Variants in SH3RF2 observed in about 807,000 individuals in gnomAD.
SH3RF2 encodes E3 ubiquitin-protein ligase SH3RF2.
In SH3RF2, 43 loss-of-function variants were observed where a neutral mutation model predicts 59.0. The ratio of observed to expected loss-of-function variants is 0.73; its 90% CI spans 0.57 to 0.94. The LOEUF (loss-of-function observed/expected upper bound fraction) is 0.94, where lower values mean the gene tolerates loss of function less well. Among genes scored for constraint, SH3RF2 ranks in the 40% least tolerant of loss-of-function variants. The pLI, the probability that SH3RF2 is intolerant of heterozygous loss-of-function variation, is 0.00. For missense variants in SH3RF2, 930 were observed against 940.1 expected, an observed-to-expected ratio of 0.99 and a Z score of 0.14; for synonymous variants, 391 against 391.5, an observed-to-expected ratio of 1.00 and a Z score of 0.01.
chr5:146,049,362 CT>C lies in SH3RF2; in HGVS notation c.1322+122del, dbSNP rs1762414762. 3.3e-6 allele frequency: 4 copies of C among 1,208,930 alleles called. No homozygotes were observed. In the East Asian group the frequency reaches 9.6e-5, roughly 29 times the overall value. 74.9% of individuals were successfully genotyped at this position (1,208,930 alleles called of 1,614,324 possible). A position where few individuals can be genotyped will look rare whatever the true frequency, so the allele number is the denominator to read the frequency against. On this transcript the variant is annotated intron_variant, in intron 7 of 9. Coordinates refer to ENST00000359120, the MANE Select transcript of SH3RF2 (RefSeq NM_152550.4). ...TTTCAGAAAACAGGCCAAGAAAGCG[CT>C]TTTTGCTCTATAACCCGCCTATCTC...
chr5:146,050,353 G>T (rs962597532), intron 7 of SH3RF2, among the ~76,000 whole-genome samples: 1 of 152,102 alleles, frequency 6.6e-6, no homozygotes, highest in Non-Finnish European at 1.5e-5. Flanking sequence ...GCTTTTTCTA[G>T]CCCATAGATT....
intron 1 of SH3RF2, 144 bp downstream of exon 1, chr5:145,936,838 C>T (rs1757607806): frequency 1.3e-5 from 2 of 152,266 alleles, no homozygotes. Flanking sequence ...GGCCTTCTCG[C>T]CAAACCTCTG....
chr5:145,938,164 G>A lies in SH3RF2; in HGVS notation c.236G>A (p.Gly79Glu). The A allele has an allele frequency of 6.2e-7, 1 of 1,614,142 alleles. No homozygotes were observed. Among genetic ancestry groups the A allele is most frequent in the Non-Finnish European group, 8.5e-7 (1 of 1,180,034 alleles). ...LVRLLDGVRS[G>E]QSSGRGGSFR... ...CGCCTTCTGGATGGAGTGCGCTCAGGGCAGAGCTCCGGGAGAGGGGGCTCC... is the reference window on the plus strand; with the variant it reads ...CGCCTTCTGGATGGAGTGCGCTCAGAGCAGAGCTCCGGGAGAGGGGGCTCC... The change falls in exon 2 of 10, where the codon GGG becomes GAG. Residue 79 changes from glycine to glutamate, a missense_variant. By Grantham distance (98) the Gly-to-Glu change is moderately conservative. Transcript: ENST00000359120.
At chr5:145,939,083 C>A (rs6580397) in intron 2 of SH3RF2, among the ~76,000 whole-genome samples, 12,049 of 152,256 alleles carry the variant, frequency 0.079, 1,615 homozygotes, top group African/African-American at 0.28. Context: ...TGAAAGCACA[C>A]CCCGAGGACT....
chr5:146,013,619 G>A (rs886759328), intron 4 of SH3RF2, 128 bp from the exon 5 acceptor site: 1 of 898,716 alleles, frequency 1.1e-6, no homozygotes, highest in East Asian at 2.5e-5. Flanking sequence ...GCTCACCAAG[G>A]AATGAGCATC....
At chr5:145,953,723 G>A (rs546182811) in intron 2 of SH3RF2, among the ~76,000 whole-genome samples, 2 of 151,926 alleles carry the variant, frequency 1.3e-5, no homozygotes, top group Non-Finnish European at 2.9e-5. Context: ...CTCCACCTTC[G>A]AGTAGACCCC....
chr5:146,005,393 C>T (rs144393789), intron 4 of SH3RF2, among the ~76,000 whole-genome samples: 112 of 152,270 alleles, frequency 7.4e-4, no homozygotes, highest in African/African-American at 2.6e-3. Flanking sequence ...GCGTGCTGTC[C>T]ACCCTGGGGA....
At chr5:145,966,230 G>A (rs375605081) in intron 2 of SH3RF2, among the ~76,000 whole-genome samples, 21 of 152,186 alleles carry the variant, frequency 1.4e-4, no homozygotes, top group Admixed American at 6.5e-5. Context: ...GAAGGATTGG[G>A]TGAGGACAAA....
chr5:146,012,717 T>C (rs1424937099), intron 4 of SH3RF2, among the ~76,000 whole-genome samples: 2 of 152,194 alleles, frequency 1.3e-5, no homozygotes, highest in Non-Finnish European at 2.9e-5. Context: ...TGTCAACATG[T>C]TTCAGATTTC....
intron 2 of SH3RF2, among the ~76,000 whole-genome samples, chr5:145,946,597 T>C (rs570588386): frequency 1.3e-5 from 2 of 152,304 alleles, no homozygotes; most frequent in Admixed American, 6.5e-5. Context: ...TAAATACCTT[T>C]TTGGGTGATG....
At chr5:146,014,089 C>T in intron 5 of SH3RF2, 28 bp downstream of exon 5, 1 of 1,604,762 alleles carries the variant, frequency 6.2e-7, no homozygotes, top group Non-Finnish European at 8.5e-7. Flanking sequence ...GGGATGAGGG[C>T]ACTTTGGAGT....
chr5:146,077,289 G>A (rs982421849), intron 9 of SH3RF2, among the ~76,000 whole-genome samples: 2 of 152,204 alleles, frequency 1.3e-5, no homozygotes, highest in Admixed American at 1.3e-4. Context: ...CCAGGGAGGG[G>A]AGGATATTGA....
intron 2 of SH3RF2, among the ~76,000 whole-genome samples, chr5:145,967,579 C>G (rs557424502): frequency 1.3e-5 from 2 of 152,194 alleles, no homozygotes; most frequent in Non-Finnish European, 2.9e-5. Flanking sequence ...TTGACCACAA[C>G]GTGGGACTGT....
chr5:146,000,525 G>A (rs1325271533), intron 3 of SH3RF2, among the ~76,000 whole-genome samples, 198 bp downstream of exon 3: 1 of 152,154 alleles, frequency 6.6e-6, no homozygotes, highest in Non-Finnish European at 1.5e-5. Flanking sequence ...TATGTAATAT[G>A]TGTGTACAAT....
intron 9 of SH3RF2, among the ~76,000 whole-genome samples, chr5:146,074,162 C>T (rs557155794): frequency 6.6e-6 from 1 of 151,888 alleles, no homozygotes; most frequent in East Asian, 1.9e-4. Context: ...GCCTCAGCCT[C>T]CCGAGTAGCT....
rs1002574065 is a variant in SH3RF2, at chr5:146,014,545, C to A, written c.1059+484C>A. Among the ~76,000 whole-genome samples the A allele has an allele frequency of 2.0e-5, 3 of 152,162 alleles. No individual in the cohort carries two copies. The South Asian group carries it at 6.2e-4, about 32-fold the overall frequency. On this transcript the variant is annotated intron_variant, in intron 5 of 9. Coordinates refer to ENST00000359120, the MANE Select transcript of SH3RF2 (RefSeq NM_152550.4). ...TATGGGTTATTGAATGTTCTCAGGACTGGTTACCTACATTTATAGGACCCA... is the reference window on the plus strand; with the variant it reads ...TATGGGTTATTGAATGTTCTCAGGAATGGTTACCTACATTTATAGGACCCA...
chr5:145,971,543 G>GGCAAATGTATTTGGCAAAA (rs1759079633), intron 2 of SH3RF2, among the ~76,000 whole-genome samples: 1 of 152,220 alleles, frequency 6.6e-6, no homozygotes, highest in Non-Finnish European at 1.5e-5. Context: ...CTGGCAAATG[G>GGCAAATGTATTTGGCAAAA]CACCAAATAC....
intron 4 of SH3RF2, among the ~76,000 whole-genome samples, chr5:146,012,759 G>A (rs1760955475): frequency 6.6e-6 from 1 of 152,156 alleles, no homozygotes. Context: ...GGCTGTCAGT[G>A]AGTAGGGTAC....
At chr5:146,058,371 G>A (rs937224204) in intron 8 of SH3RF2, among the ~76,000 whole-genome samples, 3 of 152,134 alleles carry the variant, frequency 2.0e-5, no homozygotes, top group Admixed American at 6.6e-5. Context: ...AAGAGAAATG[G>A]CAGGAGAATT....
Sources: gnomAD v4.1 joint callset for allele counts (sites outside exome capture counted in the v4.1 genomes callset) on GRCh38, gnomAD v4.1.1 for gene constraint, MANE v1.5 for transcripts, NCBI Gene and HGNC (gene_info 2026-07-23, HGNC 2026-07-21) for gene names.